The following SLC35F1 variants were observed in gnomAD, a reference collection of about 807,000 sequenced individuals.
The protein encoded by SLC35F1 is solute carrier family 35 member F1, also known as chromosome 6 open reading frame 169.
Under a neutral mutation model 48.7 loss-of-function variants are expected in SLC35F1, and 14 were observed. That is an observed-to-expected ratio of 0.29 (90% CI 0.19 to 0.45). SLC35F1 has a LOEUF of 0.45. Ranked by LOEUF, SLC35F1 falls within the 20% of genes least tolerant of loss-of-function variation. The probability of loss-of-function intolerance (pLI) is 1.00; values close to 1 mark genes in which losing one functional copy is unlikely to be tolerated. For synonymous variants in SLC35F1, 190 were observed against 202.2 expected (o/e 0.94, Z 0.51); for missense variants, 404 against 500.0 (o/e 0.81, Z 1.83).
intron 1 of SLC35F1, among the ~76,000 whole-genome samples, chr6:118,035,853 G>C (rs1386165295): frequency 6.6e-6 from 1 of 150,408 alleles, no homozygotes; most frequent in Admixed American, 6.6e-5. Context: ...ACCACGCCCG[G>C]CTAATTTTTT....
chr6:118,055,048 T>A (rs1163581635), intron 1 of SLC35F1, among the ~76,000 whole-genome samples: 1 of 152,174 alleles, frequency 6.6e-6, no homozygotes, highest in Non-Finnish European at 1.5e-5. Flanking sequence ...GTGCTGGGAT[T>A]ACAGGTGCGA....
At chr6:118,031,190 T>A (rs1772041057) in intron 1 of SLC35F1, among the ~76,000 whole-genome samples, 1 of 152,224 alleles carries the variant, frequency 6.6e-6, no homozygotes, top group South Asian at 2.1e-4. Flanking sequence ...AATGGACCTG[T>A]TCACTCTTAG....
intron 1 of SLC35F1, among the ~76,000 whole-genome samples, chr6:117,968,989 G>T (rs2114841482): frequency 6.6e-6 from 1 of 152,294 alleles, no homozygotes; most frequent in Middle Eastern, 3.4e-3. Flanking sequence ...GTTATGTGAT[G>T]ATTCTTTTAT....
chr6:118,147,355 C>A (rs188079770), intron 1 of SLC35F1, among the ~76,000 whole-genome samples: 1 of 152,090 alleles, frequency 6.6e-6, no homozygotes, highest in Non-Finnish European at 1.5e-5. Context: ...GCCTGGGCAT[C>A]GGAAACAGGG....
At chr6:118,005,245 G>A (rs1330342397) in intron 1 of SLC35F1, among the ~76,000 whole-genome samples, 2 of 152,098 alleles carry the variant, frequency 1.3e-5, no homozygotes, top group Non-Finnish European at 2.9e-5. Flanking sequence ...TTGTGGAGAA[G>A]AGAGAAAACT....
At chr6:117,933,094 G>A (rs976578077) in intron 1 of SLC35F1, among the ~76,000 whole-genome samples, 5 of 152,112 alleles carry the variant, frequency 3.3e-5, no homozygotes, top group African/African-American at 1.2e-4. Context: ...TAAATATGAT[G>A]TATATTGAAG....
rs755340371 is a variant in SLC35F1 at position 117,907,713 on chromosome 6, C to T, written c.-14C>T. On this transcript the variant is annotated 5_prime_UTR_variant, in exon 1 of 8. Transcript: ENST00000360388. ...CTGCGTTCTGATCGCCGCCGCGCCTCAGCCTCTGCCGCGATGATCCCCCCT... is the reference window on the plus strand; with the variant it reads ...CTGCGTTCTGATCGCCGCCGCGCCTTAGCCTCTGCCGCGATGATCCCCCCT... 3 of 1,484,970 alleles carry T rather than the reference C, an allele frequency of 2.0e-6. No homozygotes were observed. The highest frequency in any genetic ancestry group is 1.5e-5 in the African/African-American group (1 of 68,896). 92.0% of individuals were successfully genotyped at this position (1,484,970 alleles called of 1,614,324 possible).
intron 2 of SLC35F1, among the ~76,000 whole-genome samples, chr6:118,192,249 T>C (rs1774742318): frequency 6.6e-6 from 1 of 152,134 alleles, no homozygotes; most frequent in African/African-American, 2.4e-5. Context: ...AGTATTTCCT[T>C]GGTATTCAAT....
chr6:118,117,827 C>T (rs911854628), intron 1 of SLC35F1, among the ~76,000 whole-genome samples: 1 of 152,150 alleles, frequency 6.6e-6, no homozygotes, highest in Non-Finnish European at 1.5e-5. Flanking sequence ...AATGAAGTCA[C>T]ACACCGTGCA....
intron 1 of SLC35F1, among the ~76,000 whole-genome samples, chr6:117,951,254 C>T (rs1446697903): frequency 2.0e-5 from 3 of 152,146 alleles, no homozygotes; most frequent in Admixed American, 6.5e-5. Flanking sequence ...AGGGCTTAAT[C>T]TGTGCTTTTA....
At chr6:118,057,851 G>T (rs1772484988) in intron 1 of SLC35F1, among the ~76,000 whole-genome samples, 1 of 152,204 alleles carries the variant, frequency 6.6e-6, no homozygotes, top group Admixed American at 6.5e-5. Flanking sequence ...ATGGATTTCT[G>T]TTGTGTAGAG....
chr6:118,136,636 C>G (rs1302252376), intron 1 of SLC35F1, among the ~76,000 whole-genome samples: 1 of 152,142 alleles, frequency 6.6e-6, no homozygotes, highest in African/African-American at 2.4e-5. Context: ...AGCAGTCTTT[C>G]TCTATTTCTA....
At position 118,267,174 on chromosome 6, in the gene SLC35F1, C is replaced by A. The variant is rs1775784642; in HGVS notation, c.637+20C>A. Reference sequence around the variant, plus strand: ...GAGCAGGTGAGTCTTCGGATGTTCACCAGGTTCCTTACCTCTGCGGGTGAG... The same window carrying A: ...GAGCAGGTGAGTCTTCGGATGTTCAACAGGTTCCTTACCTCTGCGGGTGAG... On this transcript the variant is annotated intron_variant, in intron 4 of 7. Coordinates refer to ENST00000360388, the MANE Select transcript of SLC35F1 (RefSeq NM_001029858.4). The A allele has an allele frequency of 1.2e-6, 2 of 1,613,316 alleles. No homozygotes were observed. Among genetic ancestry groups the A allele is most frequent in the Admixed American group, 1.7e-5 (1 of 59,984 alleles).
chr6:117,908,906 C>T (rs1460715485), intron 1 of SLC35F1, among the ~76,000 whole-genome samples: 1 of 152,130 alleles, frequency 6.6e-6, no homozygotes, highest in Non-Finnish European at 1.5e-5. Context: ...TGTTGGGTAG[C>T]AGAGATTCCC....
At chr6:118,185,200 A>G (rs1774638999) in intron 2 of SLC35F1, among the ~76,000 whole-genome samples, 1 of 152,136 alleles carries the variant, frequency 6.6e-6, no homozygotes, top group African/African-American at 2.4e-5. Flanking sequence ...TCCAGGAGGA[A>G]TATCTTTCTT....
chr6:117,995,406 A>G (rs1480908600), intron 1 of SLC35F1, among the ~76,000 whole-genome samples: 5 of 152,214 alleles, frequency 3.3e-5, no homozygotes, highest in Non-Finnish European at 7.3e-5. Context: ...GACCAGACAT[A>G]TGGCAAATGC....
rs1005178459 is a variant in SLC35F1, at chr6:118,101,326, G to A, written c.174-53119G>A. On this transcript the variant is annotated intron_variant, in intron 1 of 7. Coordinates refer to ENST00000360388, the MANE Select transcript of SLC35F1 (RefSeq NM_001029858.4). ...CAGGCAGACAAACCAAATACAATGT[G>A]GTCCTTGCCACAGGGAGGGAGTGAG... 8.5e-5 allele frequency among the ~76,000 whole-genome samples: 13 copies of A among 152,298 alleles called. No homozygotes were observed. In the East Asian group the frequency reaches 2.3e-3, roughly 27 times the overall value.
At chr6:118,048,014 G>A (rs1772325562) in intron 1 of SLC35F1, among the ~76,000 whole-genome samples, 1 of 152,184 alleles carries the variant, frequency 6.6e-6, no homozygotes, top group East Asian at 1.9e-4. Context: ...TATTGGCTGT[G>A]GGTTTGTCAT....
In SLC35F1 at chr6:118,188,504, C is replaced by A. The variant is rs551162814; in HGVS notation, c.349+33884C>A. On this transcript the variant is annotated intron_variant, in intron 2 of 7. Transcript: ENST00000360388. ...GGCAGAGGTTGCGGTGAGCCAAGACCGTGCCGTTGTACTCCAGCCTGGGCA... is the reference window on the plus strand; with the variant it reads ...GGCAGAGGTTGCGGTGAGCCAAGACAGTGCCGTTGTACTCCAGCCTGGGCA... Among the ~76,000 whole-genome samples the A allele has an allele frequency of 2.3e-3, 348 of 151,356 alleles. 1 individual carries two copies. The highest frequency in any genetic ancestry group is 6.1e-3 in the Admixed American group (93 of 15,210).
Sources: allele counts gnomAD v4.1 joint callset (sites outside exome capture counted in the v4.1 genomes callset), GRCh38; gene constraint gnomAD v4.1.1; transcripts MANE v1.5; gene names NCBI Gene and HGNC (gene_info 2026-07-23, HGNC 2026-07-21).